The following AP2A2 variants were observed in gnomAD, a reference collection of about 807,000 sequenced individuals.
AP2A2 encodes the protein adaptor related protein complex 2 subunit alpha 2.
AP2A2 carries 32 observed loss-of-function variants against 104.2 expected under a neutral mutation model. The observed-to-expected ratio is 0.31, with a 90% CI of 0.23 to 0.41. AP2A2 has a LOEUF of 0.41. AP2A2 is among the 10% of genes least tolerant of loss of function. The pLI is 1.00. For missense variants in AP2A2, 912 were observed against 1,261.0 expected, an observed-to-expected ratio of 0.72 and a Z score of 4.19; for synonymous variants, 539 against 533.3, an observed-to-expected ratio of 1.01 and a Z score of -0.15.
chr11:974,420 C>T (rs1331765442), intron 4 of AP2A2, among the ~76,000 whole-genome samples: 2 of 152,220 alleles, frequency 1.3e-5, no homozygotes, highest in African/African-American at 4.8e-5. Flanking sequence ...CACAGTGGCT[C>T]ACGCATGTAA....
intron 14 of AP2A2, among the ~76,000 whole-genome samples, chr11:995,621 C>G (rs924877875): frequency 2.0e-5 from 3 of 151,394 alleles, no homozygotes; most frequent in Admixed American, 1.3e-4. Flanking sequence ...TGGCGGGGAC[C>G]TGCTTATGTG....
chr11:954,153 T>A (rs925441773), intron 1 of AP2A2, among the ~76,000 whole-genome samples: 10 of 152,206 alleles, frequency 6.6e-5, no homozygotes, highest in African/African-American at 2.4e-4. Flanking sequence ...ACAGACATGA[T>A]GCCGTGAGGT....
intron 14 of AP2A2, among the ~76,000 whole-genome samples, chr11:999,657 G>T (rs561050273): frequency 6.6e-6 from 1 of 151,954 alleles, no homozygotes; most frequent in African/African-American, 2.4e-5. Flanking sequence ...AAAAGTATCC[G>T]TTCTGTAGAC....
intron 4 of AP2A2, 64 bp downstream of exon 4, chr11:972,319 A>C: frequency 3.5e-6 from 5 of 1,438,508 alleles, no homozygotes; most frequent in Non-Finnish European, 4.6e-6. Flanking sequence ...AAATACATCA[A>C]ATATGGAGCT....
intron 1 of AP2A2, among the ~76,000 whole-genome samples, chr11:954,918 A>T (rs760553063): frequency 6.6e-6 from 1 of 152,178 alleles, no homozygotes; most frequent in Non-Finnish European, 1.5e-5. Context: ...TCACAACCTT[A>T]TATAAAATCT....
intron 16 of AP2A2, 33 bp downstream of exon 16, chr11:1,003,837 C>T: frequency 2.1e-6 from 3 of 1,405,568 alleles, no homozygotes; most frequent in Non-Finnish European, 9.9e-7. Flanking sequence ...GAAACTGTCT[C>T]TTAGAAATAT....
chr11:957,391 G>GTGTGATCTAAAC (rs1247357512), intron 1 of AP2A2, among the ~76,000 whole-genome samples: 62 of 152,316 alleles, frequency 4.1e-4, no homozygotes, highest in African/African-American at 1.5e-3. Flanking sequence ...ACCCAGCAGG[G>GTGTGATCTAAAC]CCTGTCTGTG....
Position 1,000,519 on chromosome 11 carries a change from G to T in AP2A2, c.2044G>T (p.Gly682Trp). The T allele has an allele frequency of 6.5e-7, 1 of 1,543,136 alleles. No individual in the cohort carries two copies. The change falls in exon 15 of 22, where the codon GGG becomes TGG. Residue 682 changes from glycine (G) to tryptophan (W), a missense_variant. Gly to Trp is a radical substitution (Grantham distance 184). Around this residue, in one of 7 missense-constraint regions of AP2A2, gnomAD observed 105 missense variants for 90.9 expected, o/e 1.16. Transcript: ENST00000448903. ...AGPPPSSGGS[G>W]LLVDVFSDSA... ...CCCCCCACCCTCCTCCGGCGGCAGC[G>T]GGCTGCTCGTGGACGTGTTCTCAGA... is the stretch of plus-strand genomic sequence containing the variant.
In AP2A2 at chr11:1,010,398, G is replaced by A. The variant is rs1364964065; in HGVS notation, c.2743-150G>A. 4.8e-6 allele frequency: 3 copies of A among 631,006 alleles called. No homozygotes were observed. The Admixed American group carries it at 8.1e-5, about 17-fold the overall frequency. The allele number at this position is 631,006 out of a possible 1,614,324, so 39.1% of individuals were successfully genotyped here. ...AGCCCTCAGTTTTCATGCTGACAGT[G>A]TGTGTGGTGCTCAGGCCTCTGCCGA... is the stretch of plus-strand genomic sequence containing the variant. On this transcript the variant is annotated intron_variant, in intron 21 of 21. Transcript: ENST00000448903.
chr11:1,007,645 C>T, intron 17 of AP2A2: 1 of 307,252 alleles, frequency 3.3e-6, no homozygotes, highest in South Asian at 3.4e-5. Context: ...GTTTCAGGAG[C>T]CTGCTATTCC....
At chr11:981,438 C>G in intron 6 of AP2A2, 139 bp downstream of exon 6, 1 of 711,762 alleles carries the variant, frequency 1.4e-6, no homozygotes. Context: ...CTCTGTCAGC[C>G]TTCTTGTTGA....
At chr11:940,100 G>A (rs1853596048) in intron 1 of AP2A2, among the ~76,000 whole-genome samples, 1 of 151,920 alleles carries the variant, frequency 6.6e-6, no homozygotes, top group African/African-American at 2.4e-5. Flanking sequence ...AACTACAGGT[G>A]TGTGCCACCT....
rs1241319425 is a variant in AP2A2 at position 985,424 on chromosome 11, T to C, written c.815-11T>C. The C allele has an allele frequency of 2.5e-6, 4 of 1,613,170 alleles. No individual in the cohort carries two copies. Among genetic ancestry groups the C allele is most frequent in the Non-Finnish European group, 3.4e-6 (4 of 1,179,576 alleles). On this transcript the variant is annotated splice_polypyrimidine_tract_variant and intron_variant, in intron 7 of 21. Transcript: ENST00000448903. ...GGAGACTGGTGAGCACCGTTCTGTCTTGCCCAGAAGACCCTGCAGTGCGAG... is the reference window on the plus strand; with the variant it reads ...GGAGACTGGTGAGCACCGTTCTGTCCTGCCCAGAAGACCCTGCAGTGCGAG...
chr11:979,175 G>A (rs1855156081), intron 5 of AP2A2, among the ~76,000 whole-genome samples: 1 of 151,040 alleles, frequency 6.6e-6, no homozygotes, highest in Admixed American at 6.6e-5. Context: ...TGCAGGGGGA[G>A]GACGTCCTAA....
At position 968,127 on chromosome 11, in the gene AP2A2, C is replaced by T. The variant is rs1854684764; in HGVS notation, c.137-2042C>T. On this transcript the variant is annotated intron_variant, in intron 2 of 21. Coordinates refer to ENST00000448903, the MANE Select transcript of AP2A2 (RefSeq NM_012305.4). This position sits in a 1 kb window ranked among gnomAD's most constrained non-coding sequence, Gnocchi z 4.2. ...GTGGCCCTGGGTTAGGCCAGGAATC[C>T]ACGTGCTGCCACATGAGCAGCGGGC... Among the ~76,000 whole-genome samples the T allele has an allele frequency of 6.6e-6, 1 of 152,116 alleles. No individual in the cohort carries two copies. Among genetic ancestry groups the T allele is most frequent in the South Asian group, 2.1e-4 (1 of 4,822 alleles).
chr11:935,577 C>T (rs750716719), intron 1 of AP2A2, among the ~76,000 whole-genome samples: 66 of 137,860 alleles, frequency 4.8e-4, no homozygotes, highest in Non-Finnish European at 7.7e-4. Flanking sequence ...GTTGAGATTA[C>T]AAGTGTGAGC....
intron 2 of AP2A2, among the ~76,000 whole-genome samples, chr11:966,720 T>C (rs1462150597): frequency 6.6e-6 from 1 of 151,884 alleles, no homozygotes; most frequent in Non-Finnish European, 1.5e-5. Context: ...GGTTGGAGAG[T>C]GTAGAGCCAG....
At position 935,217 on chromosome 11, in the gene AP2A2, G is replaced by A. The variant is rs913711076; in HGVS notation, c.67+9129G>A. 3.3e-5 allele frequency among the ~76,000 whole-genome samples: 5 copies of A among 152,094 alleles called. No individual in the cohort carries two copies. In the South Asian group the frequency reaches 8.3e-4, roughly 25 times the overall value. ...TACAGATGCGCGCACCACCATGCCC[G>A]GCTAATTTTTGTATTTTTTTTAGTA... On this transcript the variant is annotated intron_variant, in intron 1 of 21. Transcript: ENST00000448903.
At position 992,201 on chromosome 11, in the gene AP2A2, G is replaced by T. The variant is rs1855684280; in HGVS notation, c.1270-302G>T. 6.6e-6 allele frequency among the ~76,000 whole-genome samples: 1 copy of T among 152,140 alleles called. No homozygotes were observed. Among genetic ancestry groups the T allele is most frequent in the East Asian group, 1.9e-4 (1 of 5,186 alleles). On this transcript the variant is annotated intron_variant, in intron 10 of 21. Coordinates refer to ENST00000448903, the MANE Select transcript of AP2A2 (RefSeq NM_012305.4). This position sits in a 1 kb window ranked among gnomAD's most constrained non-coding sequence, Gnocchi z 6.4. ...AGGGTGATGAGGTCAGAGGAGTGCT[G>T]CCGCCAGGTGCTGGGGCTTTGGGAG...
Sources: gnomAD v4.1 joint callset for allele counts (sites outside exome capture counted in the v4.1 genomes callset) on GRCh38, gnomAD v4.1.1 for gene constraint, gnomAD v4.1.1 regional missense constraint, Gnocchi (gnomAD v3.1) non-coding constraint, MANE v1.5 for transcripts, NCBI Gene and HGNC (gene_info 2026-07-23, HGNC 2026-07-21) for gene names.